Variants in SLC2A7 observed in about 807,000 individuals in gnomAD.
SLC2A7 encodes the protein solute carrier family 2, facilitated glucose transporter member 7.
SLC2A7 carries 50 observed loss-of-function variants against 50.5 expected under a neutral mutation model. The ratio of observed to expected loss-of-function variants is 0.99; its 90% CI spans 0.79 to 1.25. The LOEUF (loss-of-function observed/expected upper bound fraction) is 1.25, where lower values mean the gene tolerates loss of function less well. Among genes scored for constraint, SLC2A7 ranks in the 50% most tolerant of loss-of-function variants. The pLI, the probability that SLC2A7 is intolerant of heterozygous loss-of-function variation, is 0.00. For synonymous variants in SLC2A7, 308 were observed against 300.4 expected, an observed-to-expected ratio of 1.03 and a Z score of -0.26; for missense variants, 683 against 679.1, an observed-to-expected ratio of 1.01 and a Z score of -0.06.
the SLC2A7 span, among the ~76,000 whole-genome samples, chr1:8,996,989 A>C: frequency 1.3e-5 from 2 of 151,772 alleles, no homozygotes; most frequent in Non-Finnish European, 2.9e-5. Context: ...TGTTGGTCAG[A>C]CTGGTCTTGA....
At position 9,015,170 on chromosome 1, in the gene SLC2A7, T is replaced by C. The variant is rs919672431; in HGVS notation, c.662A>G (p.Glu221Gly). 2.5e-6 allele frequency: 4 copies of C among 1,612,830 alleles called. No individual in the cohort carries two copies. Among genetic ancestry groups the C allele is most frequent in the Non-Finnish European group, 3.4e-6 (4 of 1,179,730 alleles). Residue 221 changes from glutamate (E) to glycine (G), a missense_variant, in exon 6 of 12, where the codon GAA becomes GGA. Physicochemically the swap from Glu to Gly is moderately conservative, Grantham distance 98 (BLOSUM62 -2). Transcript: ENST00000400906. ...CTGAATCAGGGAGTAGCGGGGGCTT[T>C]CGGGGAAGAAGGGCAGGGTCAGCAG... The part of the protein sequence containing the change: ...LQLLTLPFFP[E>G]SPRYSLIQKG...
the SLC2A7 span, among the ~76,000 whole-genome samples, chr1:8,994,534 G>A: frequency 6.6e-6 from 1 of 152,084 alleles, no homozygotes; most frequent in African/African-American, 2.4e-5. Flanking sequence ...CGATAAACAA[G>A]CATTTACTGA....
chr1:9,025,220 C>T (rs12072306), intron 1 of SLC2A7, 146 bp from the exon 2 acceptor site: 100,568 of 778,210 alleles, frequency 0.13, 7,505 homozygotes, highest in East Asian at 0.27. Flanking sequence ...GAGGAGGTGG[C>T]GCAGGGCTGG....
chr1:9,004,756 A>G lies in SLC2A7; in HGVS notation c.1316T>C (p.Ile439Thr). ...GGGGAAGGGGCCCTCACTCACCTGG[A>G]TGGATGGGAACAGGAAGCCTATGAT... is the stretch of plus-strand genomic sequence containing the variant. Reference protein sequence around the residue: ...NFIIGFLFPSIQEAIGAYSFI... With the variant: ...NFIIGFLFPSTQEAIGAYSFI... Residue 439 changes from isoleucine to threonine, a missense_variant, in exon 11 of 12, where the codon ATC (isoleucine) becomes ACC (threonine). By Grantham distance (89) the Ile-to-Thr change is moderately conservative. Coordinates refer to ENST00000400906, the MANE Select transcript of SLC2A7 (RefSeq NM_207420.3). 1.9e-6 allele frequency: 3 copies of G among 1,613,896 alleles called. No individual in the cohort carries two copies. The highest frequency in any genetic ancestry group is 1.3e-5 in the African/African-American group (1 of 74,986).
downstream of SLC2A7, among the ~76,000 whole-genome samples, chr1:9,002,818 C>T (rs749010232): frequency 5.3e-5 from 8 of 152,186 alleles, no homozygotes; most frequent in Non-Finnish European, 1.0e-4. Context: ...ACCCTGTGAT[C>T]GACAGGACAG....
At chr1:9,009,414 G>T (rs1640708468) in intron 9 of SLC2A7, among the ~76,000 whole-genome samples, 1 of 152,098 alleles carries the variant, frequency 6.6e-6, no homozygotes. Flanking sequence ...TTGTTTGGGT[G>T]GTCTGCTGTG....
intron 4 of SLC2A7, 124 bp downstream of exon 4, chr1:9,019,085 G>T: frequency 7.6e-7 from 1 of 1,316,106 alleles, no homozygotes; most frequent in Non-Finnish European, 1.0e-6. Flanking sequence ...TGGGGATGCA[G>T]ATGGGAGGAC....
downstream of SLC2A7, among the ~76,000 whole-genome samples, chr1:8,999,286 T>C (rs150212560): frequency 2.3e-3 from 345 of 152,316 alleles, 2 homozygotes; most frequent in African/African-American, 8.0e-3. Context: ...CATGAGCCAC[T>C]GCACCCAGCC....
rs779773770 is a variant in SLC2A7 at position 9,023,037 on chromosome 1, G to A, written c.192C>T (p.His64=). 1.8e-5 allele frequency: 29 copies of A among 1,614,040 alleles called. No individual in the cohort carries two copies. The highest frequency in any genetic ancestry group is 1.2e-4 in the African/African-American group (9 of 74,924). The change falls in exon 3 of 12, where the codon CAC becomes CAT. Residue 64 remains histidine (H), a synonymous_variant. Transcript: ENST00000400906. ...TGAGCTTCCCGTCCATGAATGTTGC[G>A]TGTCGCTCAAAGTAGGTTTCGTTGT... ...SFYNETYFER[H]ATFMDGKLML...
chr1:9,018,419 G>T (rs770199284), intron 4 of SLC2A7, 44 bp from the exon 5 acceptor site: 1 of 1,609,080 alleles, frequency 6.2e-7, no homozygotes, highest in South Asian at 1.1e-5. Flanking sequence ...AACCGCAAAC[G>T]CAGAATCTGA....
At chr1:9,026,271 C>G in intron 1 of SLC2A7, 24 bp downstream of exon 1, 1 of 1,606,560 alleles carries the variant, frequency 6.2e-7, no homozygotes, top group Non-Finnish European at 8.5e-7. Flanking sequence ...GGGACAGTGA[C>G]AGGTTCCTAG....
At chr1:9,014,946 C>T (rs1490439014) in intron 6 of SLC2A7, 78 bp from the exon 7 acceptor site, 13 of 1,506,792 alleles carry the variant, frequency 8.6e-6, no homozygotes, top group South Asian at 2.6e-5. Context: ...TGGCCCTGAG[C>T]TCACCATTCC....
intron 9 of SLC2A7, among the ~76,000 whole-genome samples, chr1:9,007,777 C>T (rs916824650): frequency 1.0e-4 from 15 of 150,452 alleles, no homozygotes; most frequent in South Asian, 8.4e-4. Context: ...CTCGCTCTGT[C>T]GCCCAGGCTG....
intron 4 of SLC2A7, among the ~76,000 whole-genome samples, chr1:9,018,890 C>T (rs1269398842): frequency 3.3e-5 from 5 of 152,074 alleles, no homozygotes; most frequent in East Asian, 1.9e-4. Flanking sequence ...GGCTAGTAAG[C>T]GTGAGGCTTG....
the SLC2A7 span, among the ~76,000 whole-genome samples, chr1:8,994,021 T>G: frequency 1.3e-5 from 2 of 152,262 alleles, no homozygotes; most frequent in Non-Finnish European, 2.9e-5. Context: ...GACTCCTGCA[T>G]TAATAGATAC....
chr1:9,008,546 T>A lies in SLC2A7; in HGVS notation c.1117-1161A>T, dbSNP rs773820359. ...GGTCTCTGCAGGTGGCGCTCAGTCG[T>A]GCTCACCTCTTTTCACTTCCTAGAA... On this transcript the variant is annotated intron_variant, in intron 9 of 11. Transcript: ENST00000400906. The surrounding 1 kb of genome is among the most constrained non-coding windows in gnomAD (Gnocchi z 5.9). Among the ~76,000 whole-genome samples the A allele has an allele frequency of 6.6e-6, 1 of 151,858 alleles. No individual in the cohort carries two copies. The highest frequency in any genetic ancestry group is 1.5e-5 in the Non-Finnish European group (1 of 68,010).
At chr1:9,015,786 C>T (rs899670668) in intron 5 of SLC2A7, among the ~76,000 whole-genome samples, 1 of 149,282 alleles carries the variant, frequency 6.7e-6, no homozygotes, top group Non-Finnish European at 1.5e-5. Context: ...TGCAATGGTG[C>T]GATCATAGCC....
intron 2 of SLC2A7, among the ~76,000 whole-genome samples, chr1:9,024,651 C>G (rs916955658): frequency 9.2e-5 from 14 of 152,196 alleles, no homozygotes; most frequent in African/African-American, 3.4e-4. Flanking sequence ...TGACCCCATT[C>G]TCTTTCCAAT....
intron 8 of SLC2A7, among the ~76,000 whole-genome samples, chr1:9,013,276 C>T (rs918053912): frequency 5.3e-5 from 8 of 152,198 alleles, no homozygotes; most frequent in East Asian, 1.9e-4. Flanking sequence ...GTGATCTGCT[C>T]GCCTTGGCCT....
Sources: allele counts gnomAD v4.1 joint callset (sites outside exome capture counted in the v4.1 genomes callset), GRCh38; gene constraint gnomAD v4.1.1; non-coding constraint Gnocchi (gnomAD v3.1); transcripts MANE v1.5; gene names NCBI Gene and HGNC (gene_info 2026-07-23, HGNC 2026-07-21).